The following TCF4 variants were observed in gnomAD, a reference collection of about 807,000 sequenced individuals.
TCF4 encodes the protein transcription factor 4.
In TCF4, 3 loss-of-function variants were observed where a neutral mutation model predicts 82.1. The ratio of observed to expected loss-of-function variants is 0.04; its 90% CI spans 0.02 to 0.09. The LOEUF is 0.09. Ranked by LOEUF, TCF4 falls within the 10% of genes least tolerant of loss-of-function variation. The pLI is 1.00. For synonymous variants in TCF4, 276 were observed against 309.6 expected (o/e 0.89, Z 1.14); for missense variants, 518 against 852.7 (o/e 0.61, Z 4.89).
intron 3 of TCF4, among the ~76,000 whole-genome samples, chr18:55,562,640 A>T (rs1380579996): frequency 6.6e-6 from 1 of 152,204 alleles, no homozygotes; most frequent in Admixed American, 6.5e-5. Context: ...CTACCAGTCC[A>T]ATAAAACCAA....
chr18:55,326,247 T>C (rs2076531534), intron 8 of TCF4, among the ~76,000 whole-genome samples: 1 of 152,068 alleles, frequency 6.6e-6, no homozygotes, highest in African/African-American at 2.4e-5. Context: ...GTTTGAGTGT[T>C]AGTTCCTTCA....
rs530015673 is a variant in TCF4 at position 55,270,072 on chromosome 18, T to A, written c.790-109A>T. On this transcript the variant is annotated intron_variant, in intron 10 of 19. Coordinates refer to ENST00000354452, the MANE Select transcript of TCF4 (RefSeq NM_001083962.2). The stretch of plus-strand genomic sequence containing the variant: ...TCTATTTTACAATGGAGACAGCTTT[T>A]AGAATTTCAAAATAGCCAAGAATAT... The A allele has an allele frequency of 3.5e-6, 5 of 1,417,494 alleles. No homozygotes were observed. The South Asian group carries it at 5.9e-5, about 17-fold the overall frequency. The allele number at this position is 1,417,494 out of a possible 1,614,324, so 87.8% of individuals were successfully genotyped here.
chr18:55,398,999 T>C (rs1237841014), intron 6 of TCF4, among the ~76,000 whole-genome samples: 2 of 152,228 alleles, frequency 1.3e-5, no homozygotes, highest in Non-Finnish European at 2.9e-5. Flanking sequence ...TTAGGCATCT[T>C]AGTAAATTAA....
chr18:55,555,438 C>T (rs1234738477), intron 3 of TCF4, among the ~76,000 whole-genome samples: 2 of 151,978 alleles, frequency 1.3e-5, no homozygotes, highest in African/African-American at 4.8e-5. Flanking sequence ...TTAGAGGGGT[C>T]GAAACCATAA....
In TCF4 at chr18:55,369,577, A is replaced by C. The variant is rs565750221; in HGVS notation, c.370-18574T>G. The stretch of plus-strand genomic sequence containing the variant: ...CCTTGCAAGGAAATACACATTCCCC[A>C]CAAGCACATCAAGATAACCAACTTC... On this transcript the variant is annotated intron_variant, in intron 6 of 19. Transcript: ENST00000354452. 5.9e-5 allele frequency among the ~76,000 whole-genome samples: 9 copies of C among 152,300 alleles called. 1 individual carries two copies. The East Asian group carries it at 1.7e-3, about 29-fold the overall frequency.
intron 1 of TCF4, among the ~76,000 whole-genome samples, 178 bp downstream of exon 1, chr18:55,587,860 G>T (rs2097666276): frequency 6.7e-6 from 1 of 148,352 alleles, no homozygotes; most frequent in Non-Finnish European, 1.5e-5. Context: ...AGGGGCGGGG[G>T]GGCTGGCGGC....
chr18:55,281,284 T>G (rs1468814014), intron 8 of TCF4, among the ~76,000 whole-genome samples: 2 of 152,162 alleles, frequency 1.3e-5, no homozygotes, highest in African/African-American at 4.8e-5. Flanking sequence ...AGAATTTTCT[T>G]GAGAACTATT....
At chr18:55,323,614 G>C (rs1283280337) in intron 8 of TCF4, among the ~76,000 whole-genome samples, 1 of 152,166 alleles carries the variant, frequency 6.6e-6, no homozygotes, top group Non-Finnish European at 1.5e-5. Flanking sequence ...ATGCTTTGAG[G>C]ATTTTTTCCT....
At chr18:55,615,016 G>A (rs1425960796) in intron 2 of TCF4, among the ~76,000 whole-genome samples, 1 of 152,094 alleles carries the variant, frequency 6.6e-6, no homozygotes, top group Non-Finnish European at 1.5e-5. Context: ...TTTTCTTTAT[G>A]TGTGCATCTA....
chr18:55,371,945 G>C lies in TCF4; in HGVS notation c.370-20942C>G, dbSNP rs149839346. Among the ~76,000 whole-genome samples, 502 of 152,170 alleles carry C rather than the reference G, an allele frequency of 3.3e-3. 4 individuals are homozygous for C. Among genetic ancestry groups the C allele is most frequent in the African/African-American group, 0.011 (467 of 41,518 alleles). ...TGGATTAATGGAGAAATAAATGAAA[G>C]AATAAATAAATAAAATGACTTATAA... On this transcript the variant is annotated intron_variant, in intron 6 of 19. Coordinates refer to ENST00000354452, the MANE Select transcript of TCF4 (RefSeq NM_001083962.2).
intron 5 of TCF4, among the ~76,000 whole-genome samples, chr18:55,442,923 G>C (rs929979045): frequency 6.6e-6 from 1 of 152,102 alleles, no homozygotes; most frequent in African/African-American, 2.4e-5. Context: ...CCTACACACT[G>C]GTATAAATGA....
chr18:55,491,748 G>A (rs1568213179), intron 3 of TCF4, among the ~76,000 whole-genome samples: 1 of 152,172 alleles, frequency 6.6e-6, no homozygotes, highest in South Asian at 2.1e-4. Context: ...CATGTGCAAT[G>A]TGCCTCATGA....
intron 8 of TCF4, among the ~76,000 whole-genome samples, chr18:55,327,392 C>T (rs1432568355): frequency 2.0e-5 from 3 of 152,020 alleles, no homozygotes; most frequent in African/African-American, 4.8e-5. Flanking sequence ...AGGTAAAATA[C>T]TTTTAACTAT....
At chr18:55,597,288 A>G (rs749739286) in intron 2 of TCF4, among the ~76,000 whole-genome samples, 2 of 152,200 alleles carry the variant, frequency 1.3e-5, no homozygotes, top group South Asian at 2.1e-4. Context: ...CATGAAGTCT[A>G]TTATGGGATT....
At chr18:55,329,193 A>G (rs2077091520) in intron 8 of TCF4, among the ~76,000 whole-genome samples, 1 of 152,230 alleles carries the variant, frequency 6.6e-6, no homozygotes, top group Admixed American at 6.5e-5. Flanking sequence ...AGTTCCCTCA[A>G]GGCCAATCGA....
rs146425715 is a variant in TCF4 at position 55,510,661 on chromosome 18, G to A, written c.146-46524C>T. 227 of 1,490,400 alleles carry A rather than the reference G, an allele frequency of 1.5e-4. 1 individual carries two copies. In the East Asian group the frequency reaches 4.3e-3, roughly 28 times the overall value. The allele number at this position is 1,490,400 out of a possible 1,614,324, so 92.3% of individuals were successfully genotyped here. On this transcript the variant is annotated intron_variant, in intron 3 of 19. Coordinates refer to ENST00000354452, the MANE Select transcript of TCF4 (RefSeq NM_001083962.2). ...GATTAAAATTCTAAAATACTACTTC[G>A]TAAACTTTTAAAGTTTGTGAACTGA...
At chr18:55,462,132 C>G (rs2095878405) in intron 4 of TCF4, among the ~76,000 whole-genome samples, 1 of 152,176 alleles carries the variant, frequency 6.6e-6, no homozygotes, top group African/African-American at 2.4e-5. Flanking sequence ...CACATCCCCT[C>G]AACCTTAAGG....
chr18:55,500,664 T>G (rs1372253106), intron 3 of TCF4, among the ~76,000 whole-genome samples: 2 of 152,106 alleles, frequency 1.3e-5, no homozygotes, highest in Admixed American at 6.5e-5. Context: ...CTCAAGAGAG[T>G]GGGCAACAGG....
intron 1 of TCF4, among the ~76,000 whole-genome samples, chr18:55,634,002 C>T (rs575442517): frequency 7.9e-5 from 12 of 152,328 alleles, no homozygotes; most frequent in African/African-American, 2.9e-4. Context: ...GGCGCAGTGG[C>T]TCACACCTGT....
Sources: gnomAD v4.1 joint callset for allele counts (sites outside exome capture counted in the v4.1 genomes callset) on GRCh38, gnomAD v4.1.1 for gene constraint, MANE v1.5 for transcripts, NCBI Gene and HGNC (gene_info 2026-07-23, HGNC 2026-07-21) for gene names.